The following ZNF670 variants were observed in gnomAD, a reference collection of about 807,000 sequenced individuals.
ZNF670 encodes the protein zinc finger protein 670.
A neutral mutation model predicts 10.9 loss-of-function variants in ZNF670; 7 were observed. The observed-to-expected ratio is 0.64, with a 90% confidence interval of 0.36 to 1.20. The LOEUF (loss-of-function observed/expected upper bound fraction) is 1.20, where lower values mean the gene tolerates loss of function less well. Ranked by LOEUF, ZNF670 falls within the 50% of genes most tolerant of loss-of-function variation. The pLI is 0.02. For synonymous variants in ZNF670, 136 were observed against 152.7 expected, an observed-to-expected ratio of 0.89 and a Z score of 0.81; for missense variants, 446 against 458.6, an observed-to-expected ratio of 0.97 and a Z score of 0.25.
intron 1 of ZNF670, among the ~76,000 whole-genome samples, chr1:247,077,576 TA>T (rs1340893476): frequency 6.6e-6 from 1 of 152,124 alleles, no homozygotes; most frequent in African/African-American, 2.4e-5. Flanking sequence ...AGAAATATTT[TA>T]AGAGTGAAAA....
chr1:247,048,689 A>AGTCAG (rs1303833492), intron 1 of ZNF670, among the ~76,000 whole-genome samples: 1 of 152,136 alleles, frequency 6.6e-6, no homozygotes, highest in Admixed American at 6.5e-5. Context: ...ACAGTTCCAC[A>AGTCAG]TGGCTGGGGA....
Position 247,036,102 on chromosome 1 carries a change from A to C in ZNF670, c.*1347T>G, listed in dbSNP as rs904893273. ...ATAACCATAATATATTTATATCTGA[A>C]AGCCAGTTAACGTAATAGACTATCA... is the stretch of plus-strand genomic sequence containing the variant. On this transcript the variant is annotated 3_prime_UTR_variant, in exon 4 of 4. Transcript: ENST00000366503. Among the ~76,000 whole-genome samples the C allele has an allele frequency of 6.6e-6, 1 of 152,190 alleles. No homozygotes were observed. Among genetic ancestry groups the C allele is most frequent in the African/African-American group, 2.4e-5 (1 of 41,442 alleles).
At chr1:247,068,686 TA>T (rs1306333241) in intron 1 of ZNF670, among the ~76,000 whole-genome samples, 1 of 150,724 alleles carries the variant, frequency 6.6e-6, no homozygotes, top group Non-Finnish European at 1.5e-5. Context: ...AGGAAACCAG[TA>T]TATCAAAGAG....
chr1:247,036,530 C>T lies in ZNF670; in HGVS notation c.*919G>A, dbSNP rs1407146389. ...TTATATAATTAGCTGAGCATGGTGG[C>T]ATGTGTCTGTAGCTCCAGCTACATA... is the stretch of plus-strand genomic sequence containing the variant. On this transcript the variant is annotated 3_prime_UTR_variant, in exon 4 of 4. Transcript: ENST00000366503. Among the ~76,000 whole-genome samples the T allele has an allele frequency of 1.3e-5, 2 of 152,076 alleles. No individual in the cohort carries two copies. Among genetic ancestry groups the T allele is most frequent in the Non-Finnish European group, 2.9e-5 (2 of 68,006 alleles).
chr1:247,040,100 G>A (rs1177814526), intron 1 of ZNF670, among the ~76,000 whole-genome samples: 1 of 152,194 alleles, frequency 6.6e-6, no homozygotes, highest in African/African-American at 2.4e-5. Flanking sequence ...CATTCTTGCA[G>A]TGGTACCTAG....
chr1:247,055,808 A>G (rs1009421045), intron 1 of ZNF670, among the ~76,000 whole-genome samples: 10 of 152,206 alleles, frequency 6.6e-5, no homozygotes, highest in African/African-American at 2.4e-4. Flanking sequence ...AACTGAAAAC[A>G]AAGGGATAAA....
chr1:247,076,162 T>A (rs1258809244), intron 1 of ZNF670, among the ~76,000 whole-genome samples: 1 of 152,040 alleles, frequency 6.6e-6, no homozygotes, highest in Non-Finnish European at 1.5e-5. Flanking sequence ...GGTCACTGCA[T>A]CACTTTGGAG....
intron 1 of ZNF670, 38 bp from the exon 2 acceptor site, chr1:247,039,575 A>C: frequency 6.6e-7 from 1 of 1,519,002 alleles, no homozygotes; most frequent in East Asian, 2.5e-5. Flanking sequence ...AGGATGGCTT[A>C]GACAGACAGT....
intron 1 of ZNF670, among the ~76,000 whole-genome samples, chr1:247,074,404 T>C (rs1671205244): frequency 6.6e-6 from 1 of 151,934 alleles, no homozygotes; most frequent in African/African-American, 2.4e-5. Flanking sequence ...CTCTCCTCTT[T>C]TTTCTAATCT....
intron 1 of ZNF670, among the ~76,000 whole-genome samples, chr1:247,069,057 G>T (rs1292545734): frequency 6.8e-6 from 1 of 147,978 alleles, no homozygotes; most frequent in Non-Finnish European, 1.5e-5. Context: ...TGGAGGAGAG[G>T]TGGAGACAGT....
At chr1:247,052,673 T>G (rs1238457319) in intron 1 of ZNF670, among the ~76,000 whole-genome samples, 1 of 152,220 alleles carries the variant, frequency 6.6e-6, no homozygotes, top group Non-Finnish European at 1.5e-5. Flanking sequence ...TACTGCTTTC[T>G]TGGAGCAGGG....
chr1:247,046,538 A>G (rs1220897570), intron 1 of ZNF670, among the ~76,000 whole-genome samples: 2 of 152,196 alleles, frequency 1.3e-5, no homozygotes, highest in African/African-American at 4.8e-5. Flanking sequence ...ATAGAATACA[A>G]GAGTTAAGGA....
chr1:247,056,178 C>T (rs1670711386), intron 1 of ZNF670, among the ~76,000 whole-genome samples: 1 of 151,530 alleles, frequency 6.6e-6, no homozygotes, highest in Non-Finnish European at 1.5e-5. Context: ...GACCAAATGG[C>T]CCTAATAGAT....
At chr1:247,064,513 GA>G (rs1326799225) in intron 1 of ZNF670, among the ~76,000 whole-genome samples, 1 of 152,150 alleles carries the variant, frequency 6.6e-6, no homozygotes, top group African/African-American at 2.4e-5. Flanking sequence ...CATTTGCATT[GA>G]AGCAGAACTT....
intron 1 of ZNF670, among the ~76,000 whole-genome samples, chr1:247,060,693 A>G (rs535356242): frequency 6.6e-6 from 1 of 152,366 alleles, no homozygotes; most frequent in East Asian, 1.9e-4. Flanking sequence ...AAAAGTAAAT[A>G]GACAACCATT....
chr1:247,046,657 A>G (rs1371774225), intron 1 of ZNF670, among the ~76,000 whole-genome samples: 4 of 152,170 alleles, frequency 2.6e-5, no homozygotes, highest in Admixed American at 6.5e-5. Context: ...GGCAGTGCCA[A>G]GAGAAATGTG....
At chr1:247,053,167 A>G (rs1670636465) in intron 1 of ZNF670, among the ~76,000 whole-genome samples, 1 of 152,214 alleles carries the variant, frequency 6.6e-6, no homozygotes, top group Non-Finnish European at 1.5e-5. Context: ...GCAGGAAGCC[A>G]GTGAGAAGGG....
Position 247,075,539 on chromosome 1 carries a change from T to C in ZNF670, c.3+3055A>G, listed in dbSNP as rs191810197. ...GTGGCAGGAACGTGGTGGGAGGTAA[T>C]TGAATCATGGGGGCAGGTCTTTCCC... On this transcript the variant is annotated intron_variant, in intron 1 of 3. Transcript: ENST00000366503. Among the ~76,000 whole-genome samples, 494 of 152,326 alleles carry C rather than the reference T, an allele frequency of 3.2e-3. 2 individuals carry two copies. The highest frequency in any genetic ancestry group is 5.2e-3 in the Non-Finnish European group (352 of 68,018).
chr1:247,036,787 A>C lies in ZNF670; in HGVS notation c.*662T>G, dbSNP rs1670160869. ...GACTATATAAACTTCACATACATGC[A>C]AATTAATAACAATTCTTTATTAGCA... On this transcript the variant is annotated 3_prime_UTR_variant, in exon 4 of 4. Transcript: ENST00000366503. The C allele has an allele frequency of 6.6e-6, 1 of 152,182 alleles. No homozygotes were observed. The highest frequency in any genetic ancestry group is 6.5e-5 in the Admixed American group (1 of 15,272). 9.4% of individuals were successfully genotyped at this position (152,182 alleles called of 1,614,324 possible). A position where few individuals can be genotyped will look rare whatever the true frequency, so the allele number is the denominator to read the frequency against.
Sources: allele counts gnomAD v4.1 joint callset (sites outside exome capture counted in the v4.1 genomes callset), GRCh38; gene constraint gnomAD v4.1.1; transcripts MANE v1.5; gene names NCBI Gene and HGNC (gene_info 2026-07-23, HGNC 2026-07-21).